CTNNA2: variants seen among roughly 807,000 people sequenced by gnomAD.
CTNNA2 encodes catenin alpha-2.
CTNNA2 carries 42 observed loss-of-function variants against 101.0 expected under a neutral mutation model. The observed-to-expected ratio is 0.42, with a 90% CI of 0.32 to 0.54. The LOEUF (loss-of-function observed/expected upper bound fraction) is 0.54, where lower values mean the gene tolerates loss of function less well. Among genes scored for constraint, CTNNA2 ranks in the 20% least tolerant of loss-of-function variants. The pLI is 0.14. For missense variants in CTNNA2, 871 were observed against 1,223.1 expected, an observed-to-expected ratio of 0.71 and a Z score of 4.29; for synonymous variants, 450 against 456.4, an observed-to-expected ratio of 0.99 and a Z score of 0.18.
At chr2:80,595,831 C>A (rs192246206) in intron 15 of CTNNA2, among the ~76,000 whole-genome samples, 6 of 151,946 alleles carry the variant, frequency 3.9e-5, no homozygotes, top group Non-Finnish European at 7.4e-5. Context: ...TGCTTAGGAT[C>A]GTCTTGGCTA....
chr2:79,779,484 T>C (rs1026779916), intron 3 of CTNNA2, among the ~76,000 whole-genome samples: 1 of 152,186 alleles, frequency 6.6e-6, no homozygotes, highest in Admixed American at 6.5e-5. Context: ...TGGACACATG[T>C]CATTCTTTCT....
chr2:80,408,845 A>T (rs1003611973), intron 8 of CTNNA2, among the ~76,000 whole-genome samples: 2 of 152,150 alleles, frequency 1.3e-5, no homozygotes, highest in Non-Finnish European at 2.9e-5. Context: ...CTACTATTGG[A>T]ACCCGAACAC....
At chr2:79,673,193 A>G (rs920925848) in intron 2 of CTNNA2, among the ~76,000 whole-genome samples, 11 of 152,076 alleles carry the variant, frequency 7.2e-5, no homozygotes, top group Admixed American at 5.2e-4. Context: ...CTATTACAAA[A>G]TTTTGTACAA....
At chr2:79,873,926 A>C (rs2104055236) in intron 5 of CTNNA2, 150 bp from the exon 6 acceptor site, 1 of 1,251,386 alleles carries the variant, frequency 8.0e-7, no homozygotes, top group African/African-American at 1.5e-5. Flanking sequence ...AAACAAACAA[A>C]AGAGTATATG....
chr2:79,555,456 A>G (rs910347402), intron 1 of CTNNA2, among the ~76,000 whole-genome samples: 2 of 152,288 alleles, frequency 1.3e-5, no homozygotes, highest in Admixed American at 1.3e-4. Context: ...ATGAGTTTAC[A>G]TACTACGAAT....
At chr2:79,889,759 GC>G (rs1217024153) in intron 6 of CTNNA2, among the ~76,000 whole-genome samples, 3 of 152,246 alleles carry the variant, frequency 2.0e-5, no homozygotes, top group Non-Finnish European at 4.4e-5. Context: ...CAGCTGTGAA[GC>G]TATTCCCTAG....
At chr2:79,512,902 A>C (rs1009504302), upstream of CTNNA2, 1 of 145,772 alleles carries the variant, frequency 6.9e-6, no homozygotes, top group Admixed American at 6.8e-5. Flanking sequence ...GCGAGCGAGC[A>C]AGCGGCCGCG....
intron 7 of CTNNA2, among the ~76,000 whole-genome samples, chr2:80,332,834 C>T (rs1671452295): frequency 6.6e-6 from 1 of 152,092 alleles, no homozygotes; most frequent in Admixed American, 6.5e-5. Context: ...ATATACTGGT[C>T]CAGGGTTCAG....
intron 1 of CTNNA2, among the ~76,000 whole-genome samples, chr2:79,603,205 G>GA (rs1677660434): frequency 6.6e-6 from 1 of 152,002 alleles, no homozygotes; most frequent in Admixed American, 6.6e-5. Flanking sequence ...CTGTCCTTAA[G>GA]AAAAAAGATG....
chr2:79,908,254 T>C (rs1558631710), intron 6 of CTNNA2, among the ~76,000 whole-genome samples: 1 of 152,230 alleles, frequency 6.6e-6, no homozygotes, highest in East Asian at 1.9e-4. Flanking sequence ...TTCTCATTTA[T>C]GTTTCGTATT....
intron 7 of CTNNA2, among the ~76,000 whole-genome samples, chr2:80,253,466 T>A (rs548722838): frequency 1.3e-5 from 2 of 152,172 alleles, no homozygotes; most frequent in Non-Finnish European, 2.9e-5. Flanking sequence ...CTCGACTCTC[T>A]AGTTCTATGC....
rs145117887 is a variant in CTNNA2, at chr2:79,311,211, C to G, written c.-405-1498C>G. Among the ~76,000 whole-genome samples the G allele has an allele frequency of 2.6e-3, 389 of 152,046 alleles. 9 individuals carry two copies. In the East Asian group the frequency reaches 0.062, roughly 24 times the overall value. The stretch of plus-strand genomic sequence containing the variant: ...GATCACGAGGTCAGGAGATCGAGAC[C>G]ATTCTGGCTAACACGGTGAAGCCCC... On this transcript the variant is annotated intron_variant, in intron 2 of 21. Coordinates refer to the CTNNA2 transcript ENST00000466387.
chr2:79,656,842 TA>T (rs149483265), intron 2 of CTNNA2, among the ~76,000 whole-genome samples: 6 of 150,644 alleles, frequency 4.0e-5, no homozygotes, highest in South Asian at 4.2e-4. Context: ...ATTACAAAAC[TA>T]AAAAAAAATT....
At chr2:79,714,256 G>A (rs2104824826) in intron 2 of CTNNA2, among the ~76,000 whole-genome samples, 1 of 151,768 alleles carries the variant, frequency 6.6e-6, no homozygotes, top group South Asian at 2.1e-4. Context: ...TAATACTACA[G>A]TACTGAACAC....
intron 7 of CTNNA2, among the ~76,000 whole-genome samples, chr2:79,974,109 C>G (rs140150430): frequency 1.2e-3 from 188 of 152,142 alleles, no homozygotes; most frequent in Middle Eastern, 0.01. Context: ...TTTTTAAACA[C>G]AGATAACTAC....
intron 2 of CTNNA2, among the ~76,000 whole-genome samples, chr2:79,262,581 G>T (rs949338257): frequency 3.3e-5 from 5 of 152,016 alleles, no homozygotes; most frequent in Non-Finnish European, 5.9e-5. Flanking sequence ...TAATTCAGCG[G>T]CTCCCAAAGT....
chr2:79,487,739 T>A (rs890075406), intron 4 of CTNNA2, among the ~76,000 whole-genome samples: 1 of 152,084 alleles, frequency 6.6e-6, no homozygotes, highest in Non-Finnish European at 1.5e-5. Context: ...CATAGACAAA[T>A]TCTGAGTGAG....
rs149662433 is a variant in CTNNA2 at position 80,560,340 on chromosome 2, A to G, written c.1741+4447A>G. ...GAGAGGGTACATTTGGGCCAGGACA[A>G]TGCAGTAGAATGAATCCAAGGTTAG... On this transcript the variant is annotated intron_variant, in intron 12 of 18. Coordinates refer to ENST00000402739, the MANE Select transcript of CTNNA2 (RefSeq NM_001282597.3). Among the ~76,000 whole-genome samples, 381 of 152,318 alleles carry G rather than the reference A, an allele frequency of 2.5e-3. 3 individuals are homozygous for G. The highest frequency in any genetic ancestry group is 7.4e-3 in the African/African-American group (306 of 41,570).
intron 9 of CTNNA2, among the ~76,000 whole-genome samples, chr2:80,540,390 A>G (rs982556333): frequency 8.5e-5 from 13 of 152,216 alleles, no homozygotes; most frequent in African/African-American, 2.9e-4. Context: ...TGAGGCTAGG[A>G]GTTCGAGACC....
Sources: allele counts gnomAD v4.1 joint callset (sites outside exome capture counted in the v4.1 genomes callset), GRCh38; gene constraint gnomAD v4.1.1; transcripts MANE v1.5; gene names NCBI Gene and HGNC (gene_info 2026-07-23, HGNC 2026-07-21).